Variants in ESRRG observed in about 807,000 individuals in gnomAD.
The protein encoded by ESRRG is estrogen-related receptor gamma.
ESRRG carries 13 observed loss-of-function variants against 44.0 expected under a neutral mutation model. That is an observed-to-expected ratio of 0.30 (90% CI 0.19 to 0.47). The LOEUF (loss-of-function observed/expected upper bound fraction) is 0.47, where lower values mean the gene tolerates loss of function less well. ESRRG is among the 20% of genes least tolerant of loss of function. The probability of loss-of-function intolerance (pLI) is 1.00; values close to 1 mark genes in which losing one functional copy is unlikely to be tolerated. For synonymous variants in ESRRG, 215 were observed against 214.6 expected (o/e 1.00, Z -0.02); for missense variants, 395 against 580.6 (o/e 0.68, Z 3.29).
intron 1 of ESRRG, among the ~76,000 whole-genome samples, chr1:217,006,027 C>T (rs1273807307): frequency 6.6e-6 from 1 of 152,106 alleles, no homozygotes; most frequent in Non-Finnish European, 1.5e-5. Flanking sequence ...TTAACTAACA[C>T]AACTGAGTCC....
At chr1:216,583,719 G>A (rs1319184834) in intron 3 of ESRRG, among the ~76,000 whole-genome samples, 1 of 152,180 alleles carries the variant, frequency 6.6e-6, no homozygotes, top group African/African-American at 2.4e-5. Context: ...ACCCGAGACT[G>A]GGCAATTTAC....
chr1:216,779,634 A>T (rs1415948965), intron 2 of ESRRG, among the ~76,000 whole-genome samples: 3 of 138,226 alleles, frequency 2.2e-5, no homozygotes, highest in Non-Finnish European at 4.5e-5. Flanking sequence ...ACTGTTTTTA[A>T]AAAGTACTGG....
At chr1:216,568,431 C>G (rs1015174965) in intron 3 of ESRRG, among the ~76,000 whole-genome samples, 2 of 152,142 alleles carry the variant, frequency 1.3e-5, no homozygotes, top group Non-Finnish European at 2.9e-5. Context: ...ATTAAAGACC[C>G]TGGCATTTAG....
At chr1:216,845,382 TA>T (rs2095727021) in intron 2 of ESRRG, among the ~76,000 whole-genome samples, 1 of 152,166 alleles carries the variant, frequency 6.6e-6, no homozygotes, top group Non-Finnish European at 1.5e-5. Flanking sequence ...TCACCTGGTA[TA>T]AAGATAACAT....
intron 2 of ESRRG, among the ~76,000 whole-genome samples, chr1:216,669,697 C>T (rs1300836509): frequency 6.6e-6 from 1 of 152,088 alleles, no homozygotes; most frequent in Non-Finnish European, 1.5e-5. Context: ...ACCAGCCTGG[C>T]CAACATAGTG....
intron 1 of ESRRG, among the ~76,000 whole-genome samples, chr1:217,009,790 C>T (rs1234818802): frequency 1.3e-4 from 19 of 145,628 alleles, no homozygotes; most frequent in African/African-American, 4.3e-4. Context: ...ACTGCAACCT[C>T]TGCCTCCTGG....
chr1:216,969,732 T>G (rs2071244964), intron 1 of ESRRG, among the ~76,000 whole-genome samples: 2 of 152,092 alleles, frequency 1.3e-5, no homozygotes, highest in Non-Finnish European at 2.9e-5. Context: ...ATTACAGGCA[T>G]GCACCACCAT....
rs553400110 is a variant in ESRRG at position 216,950,459 on chromosome 1, G to A, written c.-105-10786C>T. On this transcript the variant is annotated intron_variant, in intron 1 of 7. Transcript: ENST00000359162. Reference sequence around the variant, plus strand: ...CTTTTAGTAAAGGAGAGTGTATCTGGTGAAATTCAAAAGACTTGAAATACT... The same window carrying A: ...CTTTTAGTAAAGGAGAGTGTATCTGATGAAATTCAAAAGACTTGAAATACT... Among the ~76,000 whole-genome samples the A allele has an allele frequency of 2.4e-4, 36 of 152,216 alleles. No homozygotes were observed. The South Asian group carries it at 7.5e-3, about 32-fold the overall frequency.
At chr1:217,134,354 C>T (rs1470750244) in intron 1 of ESRRG, among the ~76,000 whole-genome samples, 1 of 152,154 alleles carries the variant, frequency 6.6e-6, no homozygotes, top group African/African-American at 2.4e-5. Context: ...ACTCTAACTG[C>T]GACATCTACA....
At chr1:217,055,790 C>T (rs11572409) in intron 1 of ESRRG, among the ~76,000 whole-genome samples, 3,949 of 152,274 alleles carry the variant, frequency 0.026, 159 homozygotes, top group African/African-American at 0.089. Flanking sequence ...TCCAACTATA[C>T]TAAAATTCTT....
intron 2 of ESRRG, among the ~76,000 whole-genome samples, chr1:216,931,944 G>A (rs990403166): frequency 3.9e-5 from 6 of 151,990 alleles, no homozygotes; most frequent in South Asian, 2.1e-4. Context: ...GGTGGCTCAC[G>A]CCTGTAATCC....
chr1:217,089,904 T>A (rs540061498), upstream of ESRRG, among the ~76,000 whole-genome samples: 23 of 152,322 alleles, frequency 1.5e-4, no homozygotes, highest in South Asian at 4.8e-3. Flanking sequence ...TCATGATGCC[T>A]GTCTGTTTTC....
chr1:216,892,789 C>T lies in ESRRG; in HGVS notation c.-14+46793G>A, dbSNP rs1380430116. On this transcript the variant is annotated intron_variant, in intron 2 of 7. Coordinates refer to the ESRRG transcript ENST00000359162. ...GCTATTACAGCAATTACAGCTAGCACATCTGAATTATTTAATCGTCCTCTC... is the reference window on the plus strand; with the variant it reads ...GCTATTACAGCAATTACAGCTAGCATATCTGAATTATTTAATCGTCCTCTC... 7.2e-5 allele frequency among the ~76,000 whole-genome samples: 11 copies of T among 152,272 alleles called. No individual in the cohort carries two copies. The East Asian group carries it at 1.9e-3, about 27-fold the overall frequency.
At chr1:216,520,161 T>TG (rs1238819687) in intron 5 of ESRRG, among the ~76,000 whole-genome samples, 1 of 152,166 alleles carries the variant, frequency 6.6e-6, no homozygotes, top group Non-Finnish European at 1.5e-5. Flanking sequence ...TAACAGGGTT[T>TG]GGTGCAAAGG....
intron 3 of ESRRG, among the ~76,000 whole-genome samples, chr1:216,624,304 A>G (rs924087670): frequency 1.3e-5 from 2 of 152,226 alleles, no homozygotes; most frequent in African/African-American, 4.8e-5. Flanking sequence ...AAAAGCATTC[A>G]GATACTTAAC....
intron 2 of ESRRG, among the ~76,000 whole-genome samples, chr1:216,892,401 G>A (rs145528181): frequency 1.8e-3 from 276 of 152,230 alleles, no homozygotes; most frequent in African/African-American, 6.0e-3. Flanking sequence ...TTTCTAGTAA[G>A]AGCATTGACT....
chr1:216,518,304 A>C (rs747237032), intron 6 of ESRRG, among the ~76,000 whole-genome samples: 1 of 152,190 alleles, frequency 6.6e-6, no homozygotes, highest in Non-Finnish European at 1.5e-5. Context: ...TTTTATTGAC[A>C]GTTTCCTTCT....
At chr1:216,689,516 A>C (rs1249736932) in intron 1 of ESRRG, among the ~76,000 whole-genome samples, 2 of 152,160 alleles carry the variant, frequency 1.3e-5, no homozygotes, top group Non-Finnish European at 2.9e-5. Context: ...TAACATGTAA[A>C]GTCCGTGGCT....
intron 1 of ESRRG, among the ~76,000 whole-genome samples, chr1:217,066,266 T>TC (rs965096175): frequency 6.7e-6 from 1 of 148,686 alleles, no homozygotes; most frequent in Non-Finnish European, 1.5e-5. Flanking sequence ...TTTTTTTTTT[T>TC]TTTTTTGAGA....
Sources: gnomAD v4.1 joint callset for allele counts (sites outside exome capture counted in the v4.1 genomes callset) on GRCh38, gnomAD v4.1.1 for gene constraint, MANE v1.5 for transcripts, NCBI Gene and HGNC (gene_info 2026-07-23, HGNC 2026-07-21) for gene names.